Variants in FBXL2 observed in about 807,000 individuals in gnomAD.
FBXL2 encodes the protein F-box and leucine rich repeat protein 2.
A neutral mutation model predicts 69.2 loss-of-function variants in FBXL2; 38 were observed. The ratio of observed to expected loss-of-function variants is 0.55; its 90% CI spans 0.42 to 0.72. The LOEUF is 0.72. FBXL2 is among the 30% of genes least tolerant of loss of function. The pLI, the probability that FBXL2 is intolerant of heterozygous loss-of-function variation, is 0.00. For missense variants in FBXL2, 354 were observed against 520.3 expected, an observed-to-expected ratio of 0.68 and a Z score of 3.11; for synonymous variants, 192 against 201.3, an observed-to-expected ratio of 0.95 and a Z score of 0.39.
intron 1 of FBXL2, among the ~76,000 whole-genome samples, chr3:33,287,158 C>G: frequency 6.6e-6 from 1 of 152,282 alleles, no homozygotes; most frequent in South Asian, 2.1e-4. Context: ...TGGAACCTCC[C>G]ACCCTAAAGT....
chr3:33,395,000 G>C (rs759076007), intron 12 of FBXL2, among the ~76,000 whole-genome samples: 1 of 151,686 alleles, frequency 6.6e-6, no homozygotes, highest in Non-Finnish European at 1.5e-5. Context: ...GCTGATTATG[G>C]GAAAATATCC....
At chr3:33,280,747 G>A (rs896765780) in intron 1 of FBXL2, among the ~76,000 whole-genome samples, 18 of 148,908 alleles carry the variant, frequency 1.2e-4, no homozygotes, top group Middle Eastern at 3.6e-3. Context: ...AAGAAAAAAA[G>A]GCATCTAATA....
downstream of FBXL2, among the ~76,000 whole-genome samples, chr3:33,404,602 A>G (rs2044366520): frequency 6.6e-6 from 1 of 151,978 alleles, no homozygotes; most frequent in Non-Finnish European, 1.5e-5. Context: ...AGCCATGACT[A>G]CACCACTGCA....
intron 12 of FBXL2, chr3:33,400,141 CAA>C (rs748997157): frequency 3.9e-6 from 5 of 1,268,334 alleles, no homozygotes. Context: ...AGCACAGAAA[CAA>C]AAACAAAACA....
chr3:33,373,507 T>C, intron 7 of FBXL2, 71 bp from the exon 8 acceptor site: 11 of 1,606,906 alleles, frequency 6.8e-6, no homozygotes, highest in Non-Finnish European at 8.5e-6. Context: ...TGTGATGTAC[T>C]AAACTCAGAG....
At chr3:33,319,936 A>G (rs781467667) in intron 2 of FBXL2, among the ~76,000 whole-genome samples, 2 of 152,304 alleles carry the variant, frequency 1.3e-5, no homozygotes, top group Admixed American at 6.5e-5. Flanking sequence ...TGCAAGTCCT[A>G]TATGGAGATA....
intron 12 of FBXL2, chr3:33,393,329 T>C (rs1274466680): frequency 3.7e-6 from 6 of 1,606,846 alleles, no homozygotes; most frequent in Non-Finnish European, 4.2e-6. Flanking sequence ...CTAACAAGAA[T>C]GTGAATACCG....
At chr3:33,366,825 G>C (rs571930609) in intron 5 of FBXL2, among the ~76,000 whole-genome samples, 14 of 152,028 alleles carry the variant, frequency 9.2e-5, no homozygotes, top group Non-Finnish European at 2.1e-4. Flanking sequence ...TTAGCTGGGC[G>C]TGGTGGCAGG....
the FBXL2 span, among the ~76,000 whole-genome samples, chr3:33,413,328 C>G: frequency 1.6e-5 from 2 of 125,116 alleles, no homozygotes; most frequent in African/African-American, 3.2e-5. Flanking sequence ...GGGAGGATCA[C>G]GAGGTCAGGG....
intron 2 of FBXL2, among the ~76,000 whole-genome samples, chr3:33,324,464 T>G (rs1384391663): frequency 6.6e-6 from 1 of 152,192 alleles, no homozygotes; most frequent in Non-Finnish European, 1.5e-5. Flanking sequence ...TAATCCATCT[T>G]GAGTTAATTT....
At chr3:33,294,336 A>T (rs1051060876) in intron 1 of FBXL2, among the ~76,000 whole-genome samples, 1 of 151,962 alleles carries the variant, frequency 6.6e-6, no homozygotes, top group African/African-American at 2.4e-5. Flanking sequence ...GTCTTAAGTG[A>T]TCCTCCTGCC....
At chr3:33,392,704 C>A (rs904344663), downstream of FBXL2, 29 of 1,274,410 alleles carry the variant, frequency 2.3e-5, no homozygotes, top group African/African-American at 4.3e-4. Context: ...TCTTCTCAAA[C>A]AAACACAGGA....
intron 13 of FBXL2, among the ~76,000 whole-genome samples, chr3:33,379,920 TGCA>T (rs2042917475): frequency 6.6e-6 from 1 of 152,100 alleles, no homozygotes; most frequent in Non-Finnish European, 1.5e-5. Context: ...CATCAACTAA[TGCA>T]GAAAAAGAAT....
chr3:33,288,468 T>A (rs905732195), intron 1 of FBXL2, among the ~76,000 whole-genome samples: 1 of 152,154 alleles, frequency 6.6e-6, no homozygotes, highest in African/African-American at 2.4e-5. Context: ...GAAAGAATTC[T>A]AGGGTAGGGT....
rs766273521 is a variant in FBXL2 at position 33,313,615 on chromosome 3, G to GTTTTTTTTT, written c.65+15894_65+15895insTTTTTTTTT. Among the ~76,000 whole-genome samples the GTTTTTTTTT allele has an allele frequency of 2.7e-5, 4 of 148,300 alleles. 1 individual carries two copies. Among genetic ancestry groups the GTTTTTTTTT allele is most frequent in the African/African-American group, 2.5e-5 (1 of 39,984 alleles). On this transcript the variant is annotated intron_variant, in intron 2 of 14. Coordinates refer to ENST00000484457, the MANE Select transcript of FBXL2 (RefSeq NM_012157.5). Reference sequence around the variant, plus strand: ...TACATGCCACCATGCTCAGATAATTGTTTTATTTTTTTTGTAGTGGCAGGG... The same window carrying GTTTTTTTTT: ...TACATGCCACCATGCTCAGATAATTGTTTTTTTTTTTTTATTTTTTTTGTAGTGGCAGGG...
At chr3:33,328,801 A>ATG (rs60685309) in intron 2 of FBXL2, among the ~76,000 whole-genome samples, 10,735 of 146,778 alleles carry the variant, frequency 0.073, 438 homozygotes, top group African/African-American at 0.12. Context: ...GTGTGTGTGC[A>ATG]TGTGTGTGTG....
At chr3:33,391,517 C>G (rs373064385), downstream of FBXL2, 1 of 152,212 alleles carries the variant, frequency 6.6e-6, no homozygotes, top group African/African-American at 2.4e-5. Context: ...CTCTGAGCCC[C>G]AGACTGGTAA....
intron 12 of FBXL2, chr3:33,396,589 ACAC>A (rs1267020798): frequency 1.5e-5 from 6 of 401,426 alleles, no homozygotes; most frequent in African/African-American, 1.2e-4. Context: ...TGGAATTCTC[ACAC>A]CACAAGTATA....
intron 1 of FBXL2, among the ~76,000 whole-genome samples, chr3:33,285,046 G>A (rs1013391380): frequency 3.9e-5 from 6 of 152,124 alleles, no homozygotes; most frequent in African/African-American, 1.4e-4. Context: ...TTACATTTAA[G>A]GTTAATATTG....
Sources: gnomAD v4.1 joint callset for allele counts (sites outside exome capture counted in the v4.1 genomes callset) on GRCh38, gnomAD v4.1.1 for gene constraint, MANE v1.5 for transcripts, NCBI Gene and HGNC (gene_info 2026-07-23, HGNC 2026-07-21) for gene names.